LRRC9: variants seen among roughly 807,000 people sequenced by gnomAD.
The protein encoded by LRRC9 is leucine-rich repeat-containing protein 9.
A neutral mutation model predicts 63.2 loss-of-function variants in LRRC9; 122 were observed. The observed-to-expected ratio is 1.93, with a 90% confidence interval of 1.67 to 2.24. LRRC9 has a LOEUF of 2.24. LRRC9 is among the 30% of genes most tolerant of loss of function. The pLI, the probability that LRRC9 is intolerant of heterozygous loss-of-function variation, is 0.00. For missense variants in LRRC9, 1,071 were observed against 627.7 expected, an observed-to-expected ratio of 1.71 and a Z score of -7.55; for synonymous variants, 366 against 213.1, an observed-to-expected ratio of 1.72 and a Z score of -6.25.
At chr14:59,998,140 T>G (rs913665165) in intron 18 of LRRC9, among the ~76,000 whole-genome samples, 1 of 152,074 alleles carries the variant, frequency 6.6e-6, no homozygotes, top group Non-Finnish European at 1.5e-5. Flanking sequence ...CCAGATATTT[T>G]ATATAGTTCA....
At chr14:59,982,429 T>C (rs1887028961) in intron 16 of LRRC9, among the ~76,000 whole-genome samples, 1 of 152,208 alleles carries the variant, frequency 6.6e-6, no homozygotes, top group Non-Finnish European at 1.5e-5. Context: ...CTCATCGTTC[T>C]GGAGGCTGGG....
At chr14:59,939,694 T>C (rs1197356400) in intron 7 of LRRC9, among the ~76,000 whole-genome samples, 2 of 151,926 alleles carry the variant, frequency 1.3e-5, no homozygotes, top group African/African-American at 2.4e-5. Flanking sequence ...TTCCAAGATA[T>C]TGGCAAGAGC....
intron 29 of LRRC9, among the ~76,000 whole-genome samples, chr14:60,035,325 CT>C (rs1892342691): frequency 6.6e-6 from 1 of 152,084 alleles, no homozygotes. Flanking sequence ...TGATTATTTA[CT>C]TTGCTGTACG....
intron 29 of LRRC9, among the ~76,000 whole-genome samples, chr14:60,034,582 A>T (rs865829435): frequency 6.6e-6 from 1 of 151,994 alleles, no homozygotes; most frequent in East Asian, 1.9e-4. Context: ...CCCACATATG[A>T]GTGAGGACAT....
In LRRC9 at chr14:59,984,716, T is replaced by C. The variant is rs137976595; in HGVS notation, c.2092-389T>C. On this transcript the variant is annotated intron_variant, in intron 16 of 31. Coordinates refer to ENST00000445360, the Ensembl canonical transcript of LRRC9. ...TTCCTGCCATCTCTCTTGTGTGAGG[T>C]ACCCTACCTGATACCCCAAATCTTT... 1.1e-4 allele frequency among the ~76,000 whole-genome samples: 17 copies of C among 152,270 alleles called. No homozygotes were observed. In the East Asian group the frequency reaches 2.9e-3, roughly 26 times the overall value.
rs1029297281 is a variant in LRRC9, at chr14:60,027,472, C to A, written c.3704-412C>A. Among the ~76,000 whole-genome samples, 2 of 151,992 alleles carry A rather than the reference C, an allele frequency of 1.3e-5. No individual in the cohort carries two copies. Among genetic ancestry groups the A allele is most frequent in the African/African-American group, 4.8e-5 (2 of 41,422 alleles). On this transcript the variant is annotated intron_variant, in intron 27 of 31. Transcript: ENST00000445360. The surrounding 1 kb of genome is among the most constrained non-coding windows in gnomAD (Gnocchi z 4.0). The stretch of plus-strand genomic sequence containing the variant: ...TAATGTGTATTCTTCTAACATAATA[C>A]AACAAATTAGTCTATTTTAAGAAAT...
downstream of LRRC9, among the ~76,000 whole-genome samples, chr14:60,065,031 T>A (rs939670448): frequency 2.0e-5 from 3 of 152,216 alleles, no homozygotes; most frequent in African/African-American, 7.2e-5. Context: ...TTCATGTGAT[T>A]TTTATGTACA....
intron 29 of LRRC9, among the ~76,000 whole-genome samples, chr14:60,045,591 A>G (rs897586474): frequency 3.9e-5 from 6 of 152,318 alleles, no homozygotes; most frequent in African/African-American, 1.4e-4. Flanking sequence ...ATGTCCCTGC[A>G]AAGGACATGA....
At chr14:59,987,132 C>A (rs1481754240) in intron 17 of LRRC9, among the ~76,000 whole-genome samples, 3 of 152,002 alleles carry the variant, frequency 2.0e-5, no homozygotes, top group Non-Finnish European at 2.9e-5. Flanking sequence ...AATTTTGCCA[C>A]CTAGGGCAAA....
chr14:59,986,333 C>A lies in LRRC9; in HGVS notation c.2211+1109C>A, dbSNP rs1235154120. ...CTTCAGAATATATCATCATTTTCAG[C>A]TCTTATTCATTCTTTATTCCAGCTC... On this transcript the variant is annotated intron_variant, in intron 17 of 31. Transcript: ENST00000445360. The surrounding 1 kb of genome is among the most constrained non-coding windows in gnomAD (Gnocchi z 4.7). Among the ~76,000 whole-genome samples, 1 of 152,182 alleles carries A rather than the reference C, an allele frequency of 6.6e-6. No homozygotes were observed. Among genetic ancestry groups the A allele is most frequent in the Non-Finnish European group, 1.5e-5 (1 of 68,026 alleles).
chr14:59,989,652 T>C (rs904154273), intron 17 of LRRC9, among the ~76,000 whole-genome samples: 1 of 152,188 alleles, frequency 6.6e-6, no homozygotes, highest in Non-Finnish European at 1.5e-5. Flanking sequence ...TTTTCTGGTG[T>C]ACTTTTTTGC....
chr14:60,000,976 G>A (rs930079814), intron 19 of LRRC9, among the ~76,000 whole-genome samples: 2 of 151,926 alleles, frequency 1.3e-5, no homozygotes, highest in African/African-American at 4.8e-5. Flanking sequence ...ATTAACTTAG[G>A]AAAAGATACT....
chr14:60,061,337 C>T (rs1451417056), intron 31 of LRRC9, among the ~76,000 whole-genome samples: 1 of 152,204 alleles, frequency 6.6e-6, no homozygotes, highest in East Asian at 1.9e-4. Context: ...CAGCAGCCAC[C>T]ATCCTGACTG....
chr14:60,001,347 A>G (rs1889345266), intron 19 of LRRC9, among the ~76,000 whole-genome samples: 1 of 152,206 alleles, frequency 6.6e-6, no homozygotes, highest in Middle Eastern at 3.4e-3. Flanking sequence ...ATCAACCCCA[A>G]TGTTCATTGA....
At chr14:59,995,891 C>A (rs535484720) in intron 17 of LRRC9, among the ~76,000 whole-genome samples, 2 of 152,068 alleles carry the variant, frequency 1.3e-5, no homozygotes, top group Non-Finnish European at 2.9e-5. Context: ...TACAGGTATG[C>A]GCCACGATGC....
chr14:59,996,899 A>G (rs1888854685), intron 17 of LRRC9, among the ~76,000 whole-genome samples: 1 of 152,204 alleles, frequency 6.6e-6, no homozygotes, highest in South Asian at 2.1e-4. Flanking sequence ...TGTGTTGCCA[A>G]CAGTTAGAAA....
At chr14:59,996,120 A>G (rs1888763000) in intron 17 of LRRC9, among the ~76,000 whole-genome samples, 2 of 152,114 alleles carry the variant, frequency 1.3e-5, no homozygotes, top group Admixed American at 1.3e-4. Flanking sequence ...ACAAGTTTTC[A>G]CCAGCTTATG....
chr14:60,045,927 A>T (rs1211156817), intron 29 of LRRC9, among the ~76,000 whole-genome samples: 2 of 152,036 alleles, frequency 1.3e-5, no homozygotes, highest in Non-Finnish European at 2.9e-5. Flanking sequence ...CAATCTCACC[A>T]GCATGTCGTT....
exon 28 of LRRC9, chr14:60,028,090 A>G (rs1202612505): frequency 1.4e-6 from 1 of 693,498 alleles, no homozygotes; most frequent in South Asian, 1.5e-5. Context: ...CCTAGGATAT[A>G]ATAAAATCCA....
Sources: allele counts gnomAD v4.1 joint callset (sites outside exome capture counted in the v4.1 genomes callset), GRCh38; gene constraint gnomAD v4.1.1; non-coding constraint Gnocchi (gnomAD v3.1); transcripts MANE v1.5; gene names NCBI Gene and HGNC (gene_info 2026-07-23, HGNC 2026-07-21).